Variants in ITPR1 observed in about 807,000 individuals in gnomAD.
The protein encoded by ITPR1 is inositol 1,4,5-trisphosphate receptor type 1.
Under a neutral mutation model 318.4 loss-of-function variants are expected in ITPR1, and 96 were observed. That is an observed-to-expected ratio of 0.30 (90% CI 0.26 to 0.36). The LOEUF (loss-of-function observed/expected upper bound fraction) is 0.36. Ranked by LOEUF, ITPR1 falls within the 10% of genes least tolerant of loss-of-function variation. ITPR1 has a pLI of 1.00. For missense variants in ITPR1, 2,440 were observed against 3,460.2 expected, an observed-to-expected ratio of 0.71 and a Z score of 7.40; for synonymous variants, 1,312 against 1,289.9, an observed-to-expected ratio of 1.02 and a Z score of -0.37.
At chr3:4,585,428 T>C (rs2089794566) in intron 4 of ITPR1, among the ~76,000 whole-genome samples, 1 of 152,118 alleles carries the variant, frequency 6.6e-6, no homozygotes, top group Non-Finnish European at 1.5e-5. Flanking sequence ...ACATGCACTT[T>C]TATTTTTTAT....
intron 2 of ITPR1, among the ~76,000 whole-genome samples, chr3:4,506,466 G>A (rs752178708): frequency 6.6e-6 from 1 of 151,988 alleles, no homozygotes; most frequent in Non-Finnish European, 1.5e-5. Context: ...TTTCTGACCA[G>A]CCAAAATTGC....
At chr3:4,677,595 A>G (rs2125222526) in intron 24 of ITPR1, among the ~76,000 whole-genome samples, 1 of 152,306 alleles carries the variant, frequency 6.6e-6, no homozygotes, top group East Asian at 1.9e-4. Flanking sequence ...TTCAAGAGGG[A>G]ATGGGAGAAG....
intron 44 of ITPR1, chr3:4,749,570 A>G (rs1187535947): frequency 2.0e-5 from 3 of 152,208 alleles, no homozygotes; most frequent in Non-Finnish European, 2.9e-5. Context: ...TTAACCCCGA[A>G]GACATTTGCA....
intron 60 of ITPR1, among the ~76,000 whole-genome samples, chr3:4,821,820 G>C (rs1159017043): frequency 6.6e-6 from 1 of 151,992 alleles, no homozygotes; most frequent in Non-Finnish European, 1.5e-5. Flanking sequence ...AGGGAAAGAG[G>C]GACCACGTAA....
rs926659879 is a variant in ITPR1, at chr3:4,732,489, T to G, written c.5221-599T>G. 8.0e-3 allele frequency among the ~76,000 whole-genome samples: 1,214 copies of G among 152,242 alleles called. 9 individuals carry two copies. The highest frequency in any genetic ancestry group is 0.011 in the African/African-American group (460 of 41,552). On this transcript the variant is annotated intron_variant, in intron 42 of 61. Transcript: ENST00000649015. Reference sequence around the variant, plus strand: ...AATGCCATTTTACCTATGTTGGGTTTTTTTTTATATATTTGATATCTGCCA... The same window carrying G: ...AATGCCATTTTACCTATGTTGGGTTGTTTTTTATATATTTGATATCTGCCA...
At chr3:4,845,288 G>C (rs572192656) in intron 61 of ITPR1, among the ~76,000 whole-genome samples, 96 of 152,250 alleles carry the variant, frequency 6.3e-4, no homozygotes, top group African/African-American at 2.2e-3. Flanking sequence ...TATCTCAGTT[G>C]ACTTGAATGC....
At chr3:4,772,606 T>C (rs1442092888) in intron 46 of ITPR1, among the ~76,000 whole-genome samples, 1 of 152,224 alleles carries the variant, frequency 6.6e-6, no homozygotes, top group African/African-American at 2.4e-5. Context: ...CCAAAGTCTG[T>C]CTAAGCACAG....
intron 4 of ITPR1, among the ~76,000 whole-genome samples, chr3:4,542,322 T>C (rs189004457): frequency 6.6e-6 from 1 of 152,328 alleles, no homozygotes; most frequent in Admixed American, 6.5e-5. Flanking sequence ...TTTTTTGGCA[T>C]TTCATCTGTG....
Position 4,783,669 on chromosome 3 carries a change from T to C in ITPR1, c.6511-147T>C, listed in dbSNP as rs2046981107. On this transcript the variant is annotated intron_variant, in intron 50 of 61. Coordinates refer to ENST00000649015, the MANE Select transcript of ITPR1 (RefSeq NM_001378452.1). ...AGCGCCTGTGCACAGCACGCCGTGA[T>C]GGGATGGAGCAAGCCTCGTGGCACC... The C allele has an allele frequency of 3.1e-5, 21 of 681,396 alleles. No homozygotes were observed. In the South Asian group the frequency reaches 3.4e-4, roughly 11 times the overall value. 42.2% of individuals were successfully genotyped at this position (681,396 alleles called of 1,614,324 possible). A position where few individuals can be genotyped will look rare whatever the true frequency, so the allele number is the denominator to read the frequency against.
chr3:4,560,799 A>T (rs888048898), intron 4 of ITPR1, among the ~76,000 whole-genome samples: 1 of 152,234 alleles, frequency 6.6e-6, no homozygotes, highest in Non-Finnish European at 1.5e-5. Flanking sequence ...TAGAGGTGAC[A>T]GCGACTTATT....
rs546536015 is a variant in ITPR1 at position 4,596,534 on chromosome 3, G to A, written c.164-31229G>A. Among the ~76,000 whole-genome samples the A allele has an allele frequency of 5.3e-5, 8 of 152,306 alleles. No individual in the cohort carries two copies. The South Asian group carries it at 1.0e-3, about 20-fold the overall frequency. The stretch of plus-strand genomic sequence containing the variant: ...GTTTCAAAAGGCTTAGCAACTGGTG[G>A]TCACAGATGGGTTTTTAGTTATCTG... On this transcript the variant is annotated intron_variant, in intron 4 of 61. Coordinates refer to ENST00000649015, the MANE Select transcript of ITPR1 (RefSeq NM_001378452.1).
chr3:4,494,633 C>A (rs1399949295), intron 2 of ITPR1, 127 bp downstream of exon 2: 1 of 152,242 alleles, frequency 6.6e-6, no homozygotes, highest in Non-Finnish European at 1.5e-5. Context: ...GCTCAGTCTT[C>A]AAAATTTGCC....
intron 44 of ITPR1, among the ~76,000 whole-genome samples, chr3:4,754,951 A>C (rs1298993124): frequency 6.6e-6 from 1 of 152,180 alleles, no homozygotes; most frequent in Non-Finnish European, 1.5e-5. Context: ...GTGTATCCCC[A>C]CAAAAGATAC....
intron 4 of ITPR1, among the ~76,000 whole-genome samples, chr3:4,605,401 A>G (rs2091633322): frequency 1.3e-5 from 2 of 152,200 alleles, no homozygotes; most frequent in African/African-American, 4.8e-5. Flanking sequence ...CAGAAAGGAC[A>G]TTGTCTGGTC....
At position 4,569,139 on chromosome 3, in the gene ITPR1, G is replaced by A. The variant is rs1374385382; in HGVS notation, c.163+48045G>A. Among the ~76,000 whole-genome samples the A allele has an allele frequency of 3.9e-5, 6 of 152,276 alleles. No individual in the cohort carries two copies. In the East Asian group the frequency reaches 1.2e-3, roughly 29 times the overall value. On this transcript the variant is annotated intron_variant, in intron 4 of 61. Coordinates refer to ENST00000649015, the MANE Select transcript of ITPR1 (RefSeq NM_001378452.1). ...ATATCCAAACTCTATGAATGGGGCA[G>A]GTTCTTTGATGCTCTCTTCAAGGCG...
At chr3:4,626,921 C>T (rs368417159) in intron 4 of ITPR1, among the ~76,000 whole-genome samples, 3 of 152,182 alleles carry the variant, frequency 2.0e-5, no homozygotes, top group East Asian at 1.9e-4. Context: ...CAGTTTCAAG[C>T]GATTCTTGTG....
At position 4,521,070 on chromosome 3, in the gene ITPR1, A is replaced by G; in HGVS notation, c.139A>G (p.Asn47Asp). 1 of 1,613,616 alleles carries G rather than the reference A, an allele frequency of 6.2e-7. No individual in the cohort carries two copies. ...TGTACAGCCAGAAACCGGGGACCTTAACAATCCACCTAAGAAATTCAGAGG... is the reference window on the plus strand; with the variant it reads ...TGTACAGCCAGAAACCGGGGACCTTGACAATCCACCTAAGAAATTCAGAGG... ...CVVQPETGDL[N>D]NPPKKFRDCL... is the part of the protein sequence containing the mutation. Residue 47 changes from asparagine (N) to aspartate (D), a missense_variant, in exon 4 of 62, where the codon AAC (asparagine) becomes GAC (aspartate). Transcript: ENST00000649015.
At chr3:4,793,142 G>A (rs1367109896) in intron 52 of ITPR1, among the ~76,000 whole-genome samples, 1 of 151,402 alleles carries the variant, frequency 6.6e-6, no homozygotes. Context: ...AGGACTGAAT[G>A]TTTGTCCAGA....
intron 52 of ITPR1, among the ~76,000 whole-genome samples, chr3:4,794,788 AT>A (rs1278740249): frequency 6.6e-6 from 1 of 152,184 alleles, no homozygotes; most frequent in Non-Finnish European, 1.5e-5. Flanking sequence ...CGGCTGGGGT[AT>A]GCAGGGTTTA....
Sources: allele counts gnomAD v4.1 joint callset (sites outside exome capture counted in the v4.1 genomes callset), GRCh38; gene constraint gnomAD v4.1.1; transcripts MANE v1.5; gene names NCBI Gene and HGNC (gene_info 2026-07-23, HGNC 2026-07-21).